DNM3: variants seen among roughly 807,000 people sequenced by gnomAD.
DNM3 encodes dynamin 3.
A neutral mutation model predicts 101.6 loss-of-function variants in DNM3; 47 were observed. That is an observed-to-expected ratio of 0.46 (90% CI 0.37 to 0.59). The LOEUF (loss-of-function observed/expected upper bound fraction) is 0.59. DNM3 is among the 20% of genes least tolerant of loss of function. The pLI, the probability that DNM3 is intolerant of heterozygous loss-of-function variation, is 0.00. For synonymous variants in DNM3, 385 were observed against 387.9 expected (o/e 0.99, Z 0.09); for missense variants, 849 against 1,085.7 (o/e 0.78, Z 3.06).
intron 13 of DNM3, among the ~76,000 whole-genome samples, chr1:172,102,463 A>G (rs375255682): frequency 6.6e-6 from 1 of 152,128 alleles, no homozygotes; most frequent in East Asian, 1.9e-4. Context: ...TATTTAATGT[A>G]TGCCACTTAT....
intron 4 of DNM3, among the ~76,000 whole-genome samples, chr1:172,027,476 GA>G (rs1237333139): frequency 3.3e-5 from 5 of 152,174 alleles, no homozygotes; most frequent in African/African-American, 1.2e-4. Context: ...AGCTACTCAG[GA>G]GGCTCAGGCA....
chr1:172,239,327 A>T (rs1053182813), intron 14 of DNM3, among the ~76,000 whole-genome samples: 3 of 152,196 alleles, frequency 2.0e-5, no homozygotes, highest in Non-Finnish European at 4.4e-5. Flanking sequence ...AAGAGAGAAC[A>T]CCATACTGTG....
intron 14 of DNM3, among the ~76,000 whole-genome samples, chr1:172,173,184 A>C (rs2059025049): frequency 6.6e-6 from 1 of 151,790 alleles, no homozygotes; most frequent in Non-Finnish European, 1.5e-5. Flanking sequence ...GCTAGAACTA[A>C]GGCACTGACG....
At chr1:172,205,863 T>C (rs1277577463) in intron 14 of DNM3, among the ~76,000 whole-genome samples, 1 of 152,090 alleles carries the variant, frequency 6.6e-6, no homozygotes, top group African/African-American at 2.4e-5. Flanking sequence ...TTGCAATGAG[T>C]CTGATACCCT....
intron 1 of DNM3, 71 bp downstream of exon 1, chr1:171,841,888 C>G (rs1367328536): frequency 1.3e-6 from 2 of 1,525,908 alleles, no homozygotes; most frequent in East Asian, 2.5e-5. Context: ...GGAACGTGGA[C>G]GGGCAGCGGG....
At chr1:172,114,914 C>A (rs1187902418) in intron 13 of DNM3, among the ~76,000 whole-genome samples, 1 of 151,976 alleles carries the variant, frequency 6.6e-6, no homozygotes, top group East Asian at 1.9e-4. Context: ...AATCTTCATG[C>A]CATGTACTAT....
intron 1 of DNM3, among the ~76,000 whole-genome samples, chr1:171,919,508 A>C (rs558378477): frequency 6.6e-6 from 1 of 151,602 alleles, no homozygotes; most frequent in South Asian, 2.1e-4. Flanking sequence ...ATGGCTGAAC[A>C]GTATTCCATG....
intron 17 of DNM3, among the ~76,000 whole-genome samples, chr1:172,345,016 A>AT (rs2066865673): frequency 6.6e-6 from 1 of 152,226 alleles, no homozygotes; most frequent in Non-Finnish European, 1.5e-5. Context: ...TAAAAGTTTT[A>AT]TTCTATCTGT....
At chr1:172,211,495 C>CAG (rs1284181462) in intron 14 of DNM3, among the ~76,000 whole-genome samples, 1 of 152,106 alleles carries the variant, frequency 6.6e-6, no homozygotes, top group Non-Finnish European at 1.5e-5. Flanking sequence ...TTGCAGAAAT[C>CAG]TCCTCCACAA....
chr1:171,842,118 G>T (rs1363325528), intron 1 of DNM3, among the ~76,000 whole-genome samples: 1 of 152,046 alleles, frequency 6.6e-6, no homozygotes, highest in South Asian at 2.1e-4. Flanking sequence ...GGAGGGGTCC[G>T]CCCCGGGCTC....
intron 17 of DNM3, among the ~76,000 whole-genome samples, chr1:172,337,255 G>A (rs948385387): frequency 2.6e-5 from 4 of 152,086 alleles, no homozygotes; most frequent in African/African-American, 9.7e-5. Flanking sequence ...TTTGTTTGTG[G>A]CCTGGCATCT....
At chr1:171,878,657 G>A (rs1237552367) in intron 1 of DNM3, among the ~76,000 whole-genome samples, 3 of 152,012 alleles carry the variant, frequency 2.0e-5, no homozygotes, top group Non-Finnish European at 4.4e-5. Flanking sequence ...AGAGCCAGGT[G>A]GCCATAACTT....
intron 15 of DNM3, among the ~76,000 whole-genome samples, chr1:172,254,145 A>G (rs1319459144): frequency 6.6e-6 from 1 of 152,082 alleles, no homozygotes; most frequent in Non-Finnish European, 1.5e-5. Flanking sequence ...AGTTGACCTC[A>G]AACTACCTGG....
chr1:172,254,134 C>T (rs998703913), intron 15 of DNM3, among the ~76,000 whole-genome samples: 31 of 152,060 alleles, frequency 2.0e-4, no homozygotes, highest in African/African-American at 6.5e-4. Flanking sequence ...GTTTTGTATG[C>T]AGTTGACCTC....
intron 2 of DNM3, among the ~76,000 whole-genome samples, chr1:171,986,747 C>T (rs1246731687): frequency 6.6e-6 from 1 of 151,344 alleles, no homozygotes; most frequent in African/African-American, 2.4e-5. Context: ...GCATTTGGGT[C>T]CAAGATGCTT....
chr1:171,943,982 A>T (rs2041984765), intron 2 of DNM3, among the ~76,000 whole-genome samples: 1 of 152,158 alleles, frequency 6.6e-6, no homozygotes, highest in Non-Finnish European at 1.5e-5. Flanking sequence ...GTATATTTTA[A>T]GAAAAAAAAA....
chr1:171,984,362 C>A (rs1286687560), intron 2 of DNM3, among the ~76,000 whole-genome samples: 2 of 152,182 alleles, frequency 1.3e-5, no homozygotes, highest in East Asian at 1.9e-4. Flanking sequence ...CACATCCAGG[C>A]CTGTCCACAG....
At position 171,925,012 on chromosome 1, in the gene DNM3, G is replaced by T. The variant is rs572588740; in HGVS notation, c.235+3191G>T. Among the ~76,000 whole-genome samples the T allele has an allele frequency of 2.0e-5, 3 of 151,490 alleles. No individual in the cohort carries two copies. The East Asian group carries it at 5.8e-4, about 29-fold the overall frequency. ...CCTCCTGGGTTCAAGTGATTCTCTT[G>T]CCTCAGCCTCCTGAGTAGCTGGGAT... On this transcript the variant is annotated intron_variant, in intron 2 of 20. Transcript: ENST00000627582.
intron 16 of DNM3, among the ~76,000 whole-genome samples, chr1:172,319,964 A>C (rs1462984392): frequency 6.6e-6 from 1 of 152,020 alleles, no homozygotes; most frequent in African/African-American, 2.4e-5. Context: ...TCACAATAGC[A>C]AAGACTTGGA....
Sources: allele counts gnomAD v4.1 joint callset (sites outside exome capture counted in the v4.1 genomes callset), GRCh38; gene constraint gnomAD v4.1.1; transcripts MANE v1.5; gene names NCBI Gene and HGNC (gene_info 2026-07-23, HGNC 2026-07-21).